UNC5D: variants seen among roughly 807,000 people sequenced by gnomAD.
The protein encoded by UNC5D is unc-5 netrin receptor D.
A neutral mutation model predicts 105.4 loss-of-function variants in UNC5D; 39 were observed. The observed-to-expected ratio is 0.37, with a 90% CI of 0.29 to 0.48. The LOEUF is 0.48. Among genes scored for constraint, UNC5D ranks in the 20% least tolerant of loss-of-function variants. UNC5D has a pLI of 0.98. For synonymous variants in UNC5D, 452 were observed against 450.4 expected, an observed-to-expected ratio of 1.00 and a Z score of -0.04; for missense variants, 991 against 1,202.4, an observed-to-expected ratio of 0.82 and a Z score of 2.60.
At chr8:35,265,428 G>T (rs937031050) in intron 1 of UNC5D, among the ~76,000 whole-genome samples, 1 of 152,114 alleles carries the variant, frequency 6.6e-6, no homozygotes, top group African/African-American at 2.4e-5. Flanking sequence ...GCTGGGAAAA[G>T]CAGCTATAGA....
chr8:35,535,416 T>TTTGTTG (rs906773476), intron 1 of UNC5D, among the ~76,000 whole-genome samples: 1 of 151,676 alleles, frequency 6.6e-6, no homozygotes, highest in Admixed American at 6.6e-5. Flanking sequence ...TAATAGGCTT[T>TTTGTTG]TTGTTGTTGT....
chr8:35,329,726 GCC>G (rs1255848032), intron 1 of UNC5D, among the ~76,000 whole-genome samples: 1 of 152,064 alleles, frequency 6.6e-6, no homozygotes, highest in African/African-American at 2.4e-5. Context: ...GCCCCAGGAG[GCC>G]CTCAACCTAA....
intron 12 of UNC5D, among the ~76,000 whole-genome samples, chr8:35,749,177 G>A (rs984971586): frequency 2.0e-5 from 3 of 152,016 alleles, no homozygotes; most frequent in African/African-American, 4.8e-5. Context: ...TTTAGTTAAC[G>A]AATGCATTGA....
chr8:35,667,431 C>T (rs1221435197), intron 4 of UNC5D, among the ~76,000 whole-genome samples: 1 of 152,140 alleles, frequency 6.6e-6, no homozygotes, highest in Non-Finnish European at 1.5e-5. Context: ...GATCTCAATA[C>T]AGGAAACTGA....
At chr8:35,332,726 A>G (rs1223758010) in intron 1 of UNC5D, among the ~76,000 whole-genome samples, 3 of 152,204 alleles carry the variant, frequency 2.0e-5, no homozygotes, top group Non-Finnish European at 4.4e-5. Context: ...TAATTGAGCC[A>G]CAGCTGATTA....
chr8:35,437,362 G>T (rs1807086536), intron 1 of UNC5D, among the ~76,000 whole-genome samples: 1 of 151,222 alleles, frequency 6.6e-6, no homozygotes, highest in African/African-American at 2.4e-5. Flanking sequence ...AGATAAAACT[G>T]CAATGAAAAA....
At chr8:35,283,880 C>T (rs1806387223) in intron 1 of UNC5D, among the ~76,000 whole-genome samples, 1 of 152,048 alleles carries the variant, frequency 6.6e-6, no homozygotes, top group Non-Finnish European at 1.5e-5. Flanking sequence ...CAGGCATCAG[C>T]ATTTCTCAAA....
intron 2 of UNC5D, among the ~76,000 whole-genome samples, chr8:35,565,136 G>T (rs1386099479): frequency 6.6e-6 from 1 of 152,078 alleles, no homozygotes; most frequent in Non-Finnish European, 1.5e-5. Context: ...TCAAGTGGTA[G>T]ATCTACTTTA....
chr8:35,788,288 T>C (rs530715948), intron 16 of UNC5D, among the ~76,000 whole-genome samples: 3 of 152,256 alleles, frequency 2.0e-5, no homozygotes, highest in Non-Finnish European at 4.4e-5. Context: ...TCTACATCAG[T>C]CGTCTTTGTG....
Position 35,684,662 on chromosome 8 carries a change from A to T in UNC5D, c.832A>T (p.Thr278Ser). The stretch of plus-strand genomic sequence containing the variant: ...TAGAGGATGGCAGAAACGTTCCCGG[A>T]CCTGCACCAACCCAGCTCCTCTCAA... The part of the protein sequence containing the change: ...CGRGWQKRSR[T>S]CTNPAPLNGG... The change falls in exon 6 of 17, where the codon ACC becomes TCC. Residue 278 changes from threonine (T) to serine (S), a missense_variant. Transcript: ENST00000404895. The T allele has an allele frequency of 6.2e-7, 1 of 1,613,938 alleles. No individual in the cohort carries two copies. Among genetic ancestry groups the T allele is most frequent in the Admixed American group, 1.7e-5 (1 of 60,010 alleles).
At chr8:35,384,133 TGGTG>T (rs1803222912) in intron 1 of UNC5D, among the ~76,000 whole-genome samples, 1 of 150,706 alleles carries the variant, frequency 6.6e-6, no homozygotes, top group African/African-American at 2.4e-5. Context: ...GGAGAATGGC[TGGTG>T]TGAACCTGTG....
intron 1 of UNC5D, among the ~76,000 whole-genome samples, chr8:35,300,371 C>T (rs1437834447): frequency 2.1e-5 from 3 of 141,624 alleles, no homozygotes; most frequent in Admixed American, 7.5e-5. Context: ...CACTTGAACC[C>T]GGGAGGTGGA....
At chr8:35,343,970 G>GTGTCC (rs774644442) in intron 1 of UNC5D, among the ~76,000 whole-genome samples, 1 of 152,100 alleles carries the variant, frequency 6.6e-6, no homozygotes, top group Non-Finnish European at 1.5e-5. Flanking sequence ...CAAAATTGAT[G>GTGTCC]TGTCCTGTAC....
At chr8:35,285,921 A>G (rs1334621393) in intron 1 of UNC5D, among the ~76,000 whole-genome samples, 1 of 152,252 alleles carries the variant, frequency 6.6e-6, no homozygotes, top group Non-Finnish European at 1.5e-5. Context: ...ATATGACAGT[A>G]TAATCTTAAA....
chr8:35,259,220 G>A (rs1161351835), intron 1 of UNC5D, among the ~76,000 whole-genome samples: 4 of 152,132 alleles, frequency 2.6e-5, no homozygotes, highest in Non-Finnish European at 4.4e-5. Context: ...AAAGGCTGTG[G>A]ATTTCTGAAA....
chr8:35,479,606 C>T (rs554810014), intron 1 of UNC5D, among the ~76,000 whole-genome samples: 1 of 152,138 alleles, frequency 6.6e-6, no homozygotes, highest in African/African-American at 2.4e-5. Context: ...TAGTACACAG[C>T]CGTATAAAAG....
intron 1 of UNC5D, among the ~76,000 whole-genome samples, chr8:35,440,013 T>G (rs558297361): frequency 6.6e-6 from 1 of 151,984 alleles, no homozygotes; most frequent in African/African-American, 2.4e-5. Flanking sequence ...ACAAAACAAG[T>G]ATTTTCAGAA....
In UNC5D at chr8:35,360,038, CT is replaced by C. The variant is rs974411399; in HGVS notation, c.103+124159del. Among the ~76,000 whole-genome samples the C allele has an allele frequency of 1.2e-3, 185 of 152,048 alleles. 1 individual carries two copies. Among genetic ancestry groups the C allele is most frequent in the African/African-American group, 4.2e-3 (175 of 41,486 alleles). On this transcript the variant is annotated intron_variant, in intron 1 of 16. Coordinates refer to ENST00000404895, the MANE Select transcript of UNC5D (RefSeq NM_080872.4). ...CAAAAACAGAAGAGTTTCAGAGTTT[CT>C]TTTTTTTCTGAATTACTTGAAATTA...
chr8:35,525,825 A>G, intron 1 of UNC5D: 2 of 1,412,744 alleles, frequency 1.4e-6, no homozygotes, highest in Non-Finnish European at 1.9e-6. Context: ...ACAGAAAAGC[A>G]ATGTGTTACT....
Sources: allele counts gnomAD v4.1 joint callset (sites outside exome capture counted in the v4.1 genomes callset), GRCh38; gene constraint gnomAD v4.1.1; transcripts MANE v1.5; gene names NCBI Gene and HGNC (gene_info 2026-07-23, HGNC 2026-07-21).